Variants in FBF1 observed in about 807,000 individuals in gnomAD.
FBF1 encodes the protein fas-binding factor 1.
FBF1 carries 119 observed loss-of-function variants against 147.2 expected under a neutral mutation model. That is an observed-to-expected ratio of 0.81 (90% CI 0.70 to 0.94). FBF1 has a LOEUF of 0.94. FBF1 is among the 40% of genes least tolerant of loss of function. The probability of loss-of-function intolerance (pLI) is 0.00; values close to 1 mark genes in which losing one functional copy is unlikely to be tolerated. For synonymous variants in FBF1, 601 were observed against 609.0 expected (o/e 0.99, Z 0.19); for missense variants, 1,449 against 1,500.8 (o/e 0.97, Z 0.57).
chr17:75,937,466 G>C lies in FBF1; in HGVS notation c.31+100C>G. 3 of 1,433,210 alleles carry C rather than the reference G, an allele frequency of 2.1e-6. No individual in the cohort carries two copies. The East Asian group carries it at 7.0e-5, about 33-fold the overall frequency. 88.8% of individuals were successfully genotyped at this position (1,433,210 alleles called of 1,614,324 possible). A position where few individuals can be genotyped will look rare whatever the true frequency, so the allele number is the denominator to read the frequency against. Reference sequence around the variant, plus strand: ...ATTACAGGTGTGAGCCACCGTGCCCGGCCCAAAAACATTTAAATAAACACA... The same window carrying C: ...ATTACAGGTGTGAGCCACCGTGCCCCGCCCAAAAACATTTAAATAAACACA... On this transcript the variant is annotated intron_variant, in intron 3 of 29. Transcript: ENST00000636174.
rs371402867 is a variant in FBF1 at position 75,938,155 on chromosome 17, G to A, written c.-6C>T. On this transcript the variant is annotated 5_prime_UTR_variant, in exon 2 of 30. Transcript: ENST00000636174. ...CTCTGAACTCTGCCTACCATCTCACGGCTCTCGGGGGTGCTCTCAGCTCCT... is the reference window on the plus strand; with the variant it reads ...CTCTGAACTCTGCCTACCATCTCACAGCTCTCGGGGGTGCTCTCAGCTCCT... 1.4e-5 allele frequency: 23 copies of A among 1,613,420 alleles called. No individual in the cohort carries two copies. In the African/African-American group the frequency reaches 2.0e-4, roughly 14 times the overall value.
chr17:75,938,555 C>CAAAAAAA (rs34602242), intron 1 of FBF1, among the ~76,000 whole-genome samples: 3 of 58,864 alleles, frequency 5.1e-5, no homozygotes, highest in Admixed American at 2.1e-4. Context: ...GACTCCATCT[C>CAAAAAAA]AAAAAAAAAA....
chr17:75,935,545 A>G (rs920222941), intron 4 of FBF1, 87 bp downstream of exon 4: 39 of 1,365,158 alleles, frequency 2.9e-5, no homozygotes, highest in Non-Finnish European at 3.7e-5. Flanking sequence ...TCAGTCCAGA[A>G]GCTTGGGACC....
rs1232001598 is a variant in FBF1, at chr17:75,918,612, C to T, written c.2139-343G>A. 6.6e-6 allele frequency among the ~76,000 whole-genome samples: 1 copy of T among 152,108 alleles called. No homozygotes were observed. Among genetic ancestry groups the T allele is most frequent in the African/African-American group, 2.4e-5 (1 of 41,424 alleles). ...TCCTGGGTTCAAGCAATTCTCCTGCCTCAGCCTCCCGAGTGGCTGGGACTA... is the reference window on the plus strand; with the variant it reads ...TCCTGGGTTCAAGCAATTCTCCTGCTTCAGCCTCCCGAGTGGCTGGGACTA... On this transcript the variant is annotated intron_variant, in intron 20 of 29. Coordinates refer to ENST00000636174, the MANE Select transcript of FBF1 (RefSeq NM_001319193.2). This position sits in a 1 kb window ranked among gnomAD's most constrained non-coding sequence, Gnocchi z 5.8.
At chr17:75,912,166 G>C in intron 29 of FBF1, 26 bp downstream of exon 29, 15 of 1,579,062 alleles carry the variant, frequency 9.5e-6, no homozygotes, top group Non-Finnish European at 1.3e-5. Flanking sequence ...TGAACACAAG[G>C]ATCCCCAAGG....
chr17:75,918,344 T>A lies in FBF1; in HGVS notation c.2139-75A>T. The A allele has an allele frequency of 1.6e-6, 2 of 1,253,922 alleles. No homozygotes were observed. The highest frequency in any genetic ancestry group is 1.4e-5 in the South Asian group (1 of 73,020). 77.7% of individuals were successfully genotyped at this position (1,253,922 alleles called of 1,614,324 possible). On this transcript the variant is annotated intron_variant, in intron 20 of 29. Coordinates refer to ENST00000636174, the MANE Select transcript of FBF1 (RefSeq NM_001319193.2). This position sits in a 1 kb window ranked among gnomAD's most constrained non-coding sequence, Gnocchi z 5.8. ...GATGCGGTAACTCCTTGTGGAAGGG[T>A]GTGTTTCCGTGCAGCCCTTGCTCCC...
chr17:75,928,062 G>A lies in FBF1; in HGVS notation c.397+14C>T, dbSNP rs758028102. ...CCGTCTCCCATGCACCTTTCTCACT[G>A]GCTACTGACCCACCTGCAGGCTTGG... On this transcript the variant is annotated intron_variant, in intron 8 of 29. Transcript: ENST00000636174. This position sits in a 1 kb window ranked among gnomAD's most constrained non-coding sequence, Gnocchi z 4.2. The A allele has an allele frequency of 6.2e-7, 1 of 1,607,522 alleles. No individual in the cohort carries two copies.
chr17:75,927,355 G>A, intron 9 of FBF1, 100 bp downstream of exon 9: 1 of 957,966 alleles, frequency 1.0e-6, no homozygotes, highest in Non-Finnish European at 1.6e-6. Flanking sequence ...TGGCACCCAT[G>A]TGACATAGGC....
At chr17:75,917,893 C>T in intron 22 of FBF1, 38 bp downstream of exon 22, 1 of 1,586,076 alleles carries the variant, frequency 6.3e-7, no homozygotes, top group Non-Finnish European at 8.6e-7. Context: ...CTCCCCCTTC[C>T]CACCAGGAGC....
chr17:75,923,109 C>T lies in FBF1; in HGVS notation c.1424+77G>A. Reference sequence around the variant, plus strand: ...CCCCAACTGCTGACTGAGGCTGCAACAGGTGAAGGGGCAAAGGGGCTCCTC... The same window carrying T: ...CCCCAACTGCTGACTGAGGCTGCAATAGGTGAAGGGGCAAAGGGGCTCCTC... On this transcript the variant is annotated intron_variant, in intron 14 of 29. Coordinates refer to ENST00000636174, the MANE Select transcript of FBF1 (RefSeq NM_001319193.2). The surrounding 1 kb of genome is among the most constrained non-coding windows in gnomAD (Gnocchi z 4.1). 1 of 1,380,172 alleles carries T rather than the reference C, an allele frequency of 7.2e-7. No individual in the cohort carries two copies. Among genetic ancestry groups the T allele is most frequent in the Non-Finnish European group, 9.7e-7 (1 of 1,029,902 alleles). 85.5% of individuals were successfully genotyped at this position (1,380,172 alleles called of 1,614,324 possible). A position where few individuals can be genotyped will look rare whatever the true frequency, so the allele number is the denominator to read the frequency against.
At chr17:75,917,583 G>C in intron 23 of FBF1, 149 bp downstream of exon 23, 1 of 732,242 alleles carries the variant, frequency 1.4e-6, no homozygotes, top group Non-Finnish European at 2.2e-6. Flanking sequence ...AGCCTGGCCA[G>C]GGCAGGGAGA....
At chr17:75,916,451 T>C (rs1339194187) in intron 23 of FBF1, among the ~76,000 whole-genome samples, 1 of 151,958 alleles carries the variant, frequency 6.6e-6, no homozygotes, top group Non-Finnish European at 1.5e-5. Context: ...AAGACCCACA[T>C]CTCAGTAAAA....
intron 16 of FBF1, 78 bp downstream of exon 16, chr17:75,921,394 G>T: frequency 6.5e-7 from 1 of 1,548,614 alleles, no homozygotes; most frequent in South Asian, 1.2e-5. Context: ...ATGTCCCAGG[G>T]ACCCCAAAGG....
intron 29 of FBF1, among the ~76,000 whole-genome samples, chr17:75,911,432 G>A (rs941099102): frequency 2.0e-5 from 3 of 152,134 alleles, no homozygotes; most frequent in Non-Finnish European, 2.9e-5. Flanking sequence ...CTGTAGCCTC[G>A]ACCAGCTGGG....
intron 5 of FBF1, among the ~76,000 whole-genome samples, chr17:75,932,115 G>A (rs1007491216): frequency 2.0e-5 from 3 of 152,040 alleles, no homozygotes; most frequent in Non-Finnish European, 4.4e-5. Flanking sequence ...GCGCGGTGGC[G>A]CACGCCTGTA....
In FBF1 at chr17:75,926,402, C is replaced by T. The variant is rs1378283687; in HGVS notation, c.620G>A (p.Gly207Glu). Reference protein sequence around the residue: ...DQGPSIPLTPGDTPIRKKEEL... With the variant: ...DQGPSIPLTPEDTPIRKKEEL... The stretch of plus-strand genomic sequence containing the variant: ...TTCTTTTTTTCGGATGGGGGTGTCC[C>T]CAGGAGTTAGAGGAATAGAGGGACC... Residue 207 changes from glycine (G) to glutamate (E), a missense_variant, in exon 11 of 30, where the codon GGG becomes GAG. Physicochemically the swap from Gly to Glu is moderately conservative, Grantham distance 98. Coordinates refer to ENST00000636174, the MANE Select transcript of FBF1 (RefSeq NM_001319193.2). The T allele has an allele frequency of 1.3e-6, 2 of 1,592,058 alleles. No homozygotes were observed. Among genetic ancestry groups the T allele is most frequent in the African/African-American group, 1.3e-5 (1 of 74,404 alleles).
At chr17:75,936,087 T>G (rs1598162759) in intron 3 of FBF1, among the ~76,000 whole-genome samples, 1 of 151,850 alleles carries the variant, frequency 6.6e-6, no homozygotes, top group Non-Finnish European at 1.5e-5. Flanking sequence ...CCAAGGCGGG[T>G]GGATCACCTG....
At chr17:75,911,919 T>C (rs928435384) in intron 29 of FBF1, among the ~76,000 whole-genome samples, 9 of 152,212 alleles carry the variant, frequency 5.9e-5, no homozygotes, top group Admixed American at 2.0e-4. Flanking sequence ...CCCAAAGTGT[T>C]GGGATTACAG....
In FBF1 at chr17:75,921,485, G is replaced by A; in HGVS notation, c.1602C>T (p.Asp534=). The change falls in exon 16 of 30, where the codon GAC becomes GAT. Residue 534 remains aspartate (D), a synonymous_variant. Transcript: ENST00000636174. ...CAAAAAACAAACCAGTGGCTGAGAG[G>A]TCTCCAGGGGCTGTTCCCCTCTTTG... The part of the protein sequence containing the change: ...GSPKRGTAPG[D]LSATEPATCF... 6.2e-7 allele frequency: 1 copy of A among 1,612,886 alleles called. No individual in the cohort carries two copies. The highest frequency in any genetic ancestry group is 8.5e-7 in the Non-Finnish European group (1 of 1,179,498).
Sources: gnomAD v4.1 joint callset for allele counts (sites outside exome capture counted in the v4.1 genomes callset) on GRCh38, gnomAD v4.1.1 for gene constraint, Gnocchi (gnomAD v3.1) non-coding constraint, MANE v1.5 for transcripts, NCBI Gene and HGNC (gene_info 2026-07-23, HGNC 2026-07-21) for gene names.